The following SCN9A variants were observed in gnomAD, a reference collection of about 807,000 sequenced individuals.
The protein encoded by SCN9A is sodium voltage-gated channel alpha subunit 9, also known as sodium channel protein type 9 subunit alpha.
SCN9A carries 131 observed loss-of-function variants against 187.0 expected under a neutral mutation model. That is an observed-to-expected ratio of 0.70 (90% confidence interval 0.61 to 0.81). SCN9A has a LOEUF of 0.81. Among genes scored for constraint, SCN9A ranks in the 30% least tolerant of loss-of-function variants. The pLI, the probability that SCN9A is intolerant of heterozygous loss-of-function variation, is 0.00. For synonymous variants in SCN9A, 809 were observed against 808.6 expected, an observed-to-expected ratio of 1.00 and a Z score of -0.01; for missense variants, 2,252 against 2,396.6, an observed-to-expected ratio of 0.94 and a Z score of 1.26.
intron 1 of SCN9A, among the ~76,000 whole-genome samples, chr2:166,334,908 C>A (rs888378620): frequency 3.9e-5 from 6 of 152,082 alleles, no homozygotes; most frequent in Admixed American, 2.0e-4. Flanking sequence ...ATCTGAATTT[C>A]TTTCAATAAG....
rs1332186763 is a variant in SCN9A at position 166,199,996 on chromosome 2, T to TTA, written c.4775-133_4775-132insTA. ...GACAGTTTTTTTTTTTTTTTTTTTT[T>TTA]TTTTTTTTTTTTTTTTTTTGAGACG... is the stretch of plus-strand genomic sequence containing the variant. On this transcript the variant is annotated intron_variant, in intron 26 of 26. Transcript: ENST00000642356. 5.5e-6 allele frequency: 3 copies of TTA among 541,840 alleles called. No homozygotes were observed. In the African/African-American group the frequency reaches 1.1e-4, roughly 20 times the overall value. 33.6% of individuals were successfully genotyped at this position (541,840 alleles called of 1,614,324 possible).
chr2:166,370,487 G>A (rs980268006), intron 1 of SCN9A, among the ~76,000 whole-genome samples: 17 of 151,020 alleles, frequency 1.1e-4, no homozygotes, highest in African/African-American at 3.9e-4. Context: ...AGCTTGCAGT[G>A]AGCCAAGATC....
intron 24 of SCN9A, among the ~76,000 whole-genome samples, chr2:166,223,429 A>G (rs902163022): frequency 1.3e-5 from 2 of 152,230 alleles, no homozygotes; most frequent in Admixed American, 1.3e-4. Flanking sequence ...ATCCTGCCAT[A>G]TGCAGCAACT....
intron 1 of SCN9A, among the ~76,000 whole-genome samples, chr2:166,347,390 C>G (rs564986496): frequency 6.6e-6 from 1 of 152,306 alleles, no homozygotes; most frequent in South Asian, 2.1e-4. Context: ...CCAGAGGGTT[C>G]ATGAATCATT....
chr2:166,301,690 T>C (rs1293569436), intron 7 of SCN9A: 2 of 150,886 alleles, frequency 1.3e-5, no homozygotes, highest in Non-Finnish European at 2.9e-5. Flanking sequence ...ATAAGTGTGG[T>C]AAAATAATCT....
chr2:166,338,508 T>C (rs1366041927), intron 1 of SCN9A, among the ~76,000 whole-genome samples: 1 of 152,110 alleles, frequency 6.6e-6, no homozygotes, highest in Non-Finnish European at 1.5e-5. Context: ...TATTGTGAGC[T>C]AATTATAGGA....
Position 166,198,419 on chromosome 2 carries a change from A to C in SCN9A, c.*253T>G. 4.5e-6 allele frequency: 1 copy of C among 223,162 alleles called. No individual in the cohort carries two copies. The highest frequency in any genetic ancestry group is 7.7e-6 in the Non-Finnish European group (1 of 129,224). 13.8% of individuals were successfully genotyped at this position (223,162 alleles called of 1,614,324 possible). ...GTCTTCTGATTTATTAAAAACCAAAAAACTGAATCACTTTTGTATGCTATA... is the reference window on the plus strand; with the variant it reads ...GTCTTCTGATTTATTAAAAACCAAACAACTGAATCACTTTTGTATGCTATA... On this transcript the variant is annotated 3_prime_UTR_variant, in exon 27 of 27. Transcript: ENST00000642356.
At chr2:166,224,582 G>A (rs1433102543) in intron 24 of SCN9A, among the ~76,000 whole-genome samples, 2 of 152,108 alleles carry the variant, frequency 1.3e-5, no homozygotes, top group African/African-American at 4.8e-5. Flanking sequence ...TCCAGAATTA[G>A]ACTCCTTTAT....
chr2:166,239,044 G>A (rs908209973), intron 19 of SCN9A, among the ~76,000 whole-genome samples: 2 of 152,070 alleles, frequency 1.3e-5, no homozygotes, highest in African/African-American at 4.8e-5. Context: ...TTTTGTGTAT[G>A]CTCTTCTGTC....
intron 1 of SCN9A, among the ~76,000 whole-genome samples, chr2:166,364,836 A>G (rs886559032): frequency 1.3e-5 from 2 of 152,154 alleles, no homozygotes; most frequent in Admixed American, 6.6e-5. Flanking sequence ...TTTGTTATAT[A>G]TATTTTACCA....
chr2:166,340,540 CCCTTTCTT>C (rs1179708949), intron 1 of SCN9A, among the ~76,000 whole-genome samples: 4,769 of 111,308 alleles, frequency 0.043, 269 homozygotes, highest in Non-Finnish European at 0.055. Flanking sequence ...TCTTTTCTTT[CCCTTTCTT>C]TCTTTCTTTC....
chr2:166,340,643 T>C (rs1699763132), intron 1 of SCN9A, among the ~76,000 whole-genome samples: 1 of 150,588 alleles, frequency 6.6e-6, no homozygotes, highest in Non-Finnish European at 1.5e-5. Context: ...TCTTTTTTGA[T>C]AGTGTATTTC....
In SCN9A at chr2:166,332,406, C is replaced by A. The variant is rs528891024; in HGVS notation, c.-50-20600G>T. Among the ~76,000 whole-genome samples, 72 of 152,270 alleles carry A rather than the reference C, an allele frequency of 4.7e-4. 3 individuals carry two copies. The South Asian group carries it at 0.015, about 31-fold the overall frequency. On this transcript the variant is annotated intron_variant, in intron 1 of 26. Transcript: ENST00000642356. Reference sequence around the variant, plus strand: ...TGTTTCTCTTGCTTGTAATCAATATCTTTGCTTAATATGAGAAATTACTTT... The same window carrying A: ...TGTTTCTCTTGCTTGTAATCAATATATTTGCTTAATATGAGAAATTACTTT...
chr2:166,230,338 A>T (rs917934219), intron 21 of SCN9A, among the ~76,000 whole-genome samples: 2 of 152,142 alleles, frequency 1.3e-5, no homozygotes, highest in African/African-American at 4.8e-5. Context: ...TCTAACTTTC[A>T]TCAGATTCTT....
intron 1 of SCN9A, among the ~76,000 whole-genome samples, chr2:166,350,354 C>T (rs924363086): frequency 6.6e-6 from 1 of 152,204 alleles, no homozygotes; most frequent in African/African-American, 2.4e-5. Context: ...AATGTCCCCA[C>T]CACTTGGTTT....
At chr2:166,297,590 T>A (rs947117085) in intron 7 of SCN9A, among the ~76,000 whole-genome samples, 1 of 151,530 alleles carries the variant, frequency 6.6e-6, no homozygotes, top group Non-Finnish European at 1.5e-5. Flanking sequence ...AGTAGATTAG[T>A]GGTTGCCAGG....
intron 1 of SCN9A, among the ~76,000 whole-genome samples, chr2:166,359,268 T>C (rs1206942267): frequency 2.0e-5 from 3 of 152,152 alleles, no homozygotes; most frequent in Non-Finnish European, 2.9e-5. Context: ...TTTATTTTCA[T>C]TGGGATTGCA....
intron 2 of SCN9A, among the ~76,000 whole-genome samples, chr2:166,307,995 T>C (rs936332232): frequency 6.6e-6 from 1 of 152,184 alleles, no homozygotes; most frequent in Non-Finnish European, 1.5e-5. Flanking sequence ...TCTCACCGTA[T>C]TCAGGAGGTA....
Position 166,197,747 on chromosome 2 carries a change from C to T in SCN9A, c.*925G>A, listed in dbSNP as rs200488372. The T allele has an allele frequency of 3.9e-5, 6 of 152,100 alleles. No homozygotes were observed. Among genetic ancestry groups the T allele is most frequent in the Non-Finnish European group, 7.4e-5 (5 of 67,994 alleles). The allele number at this position is 152,100 out of a possible 1,614,324, so 9.4% of individuals were successfully genotyped here. A position where few individuals can be genotyped will look rare whatever the true frequency, so the allele number is the denominator to read the frequency against. The stretch of plus-strand genomic sequence containing the variant: ...GACTAAACAATACTGCATAAGAAAG[C>T]AGGAAAATTTGACAAAAGAGTTTAA... On this transcript the variant is annotated 3_prime_UTR_variant, in exon 27 of 27. Coordinates refer to ENST00000642356, the MANE Select transcript of SCN9A (RefSeq NM_001365536.1).
Sources: allele counts gnomAD v4.1 joint callset (sites outside exome capture counted in the v4.1 genomes callset), GRCh38; gene constraint gnomAD v4.1.1; transcripts MANE v1.5; gene names NCBI Gene and HGNC (gene_info 2026-07-23, HGNC 2026-07-21).